The following PLD5 variants were observed in gnomAD, a reference collection of about 807,000 sequenced individuals.
PLD5 encodes phospholipase D family member 5, also known as inactive phospholipase D5.
A neutral mutation model predicts 61.1 loss-of-function variants in PLD5; 36 were observed. The ratio of observed to expected loss-of-function variants is 0.59; its 90% confidence interval spans 0.45 to 0.78. The LOEUF is 0.78. PLD5 is among the 30% of genes least tolerant of loss of function. The probability of loss-of-function intolerance (pLI) is 0.00; values close to 1 mark genes in which losing one functional copy is unlikely to be tolerated. For synonymous variants in PLD5, 243 were observed against 242.8 expected, an observed-to-expected ratio of 1.00 and a Z score of -0.01; for missense variants, 515 against 644.4, an observed-to-expected ratio of 0.80 and a Z score of 2.17.
chr1:242,242,599 T>C (rs428752), intron 4 of PLD5, among the ~76,000 whole-genome samples: 144,355 of 152,212 alleles, frequency 0.95, 68,927 homozygotes, highest in East Asian at 1. Context: ...CACCCATTAA[T>C]CACGGATCGT....
chr1:242,465,350 C>T (rs1033550340), intron 1 of PLD5, among the ~76,000 whole-genome samples: 3 of 152,198 alleles, frequency 2.0e-5, no homozygotes, highest in Non-Finnish European at 4.4e-5. Context: ...TACATGGACT[C>T]CTAATTGGTC....
intron 3 of PLD5, among the ~76,000 whole-genome samples, chr1:242,281,631 T>C (rs1169279126): frequency 1.3e-5 from 2 of 152,262 alleles, no homozygotes; most frequent in East Asian, 1.9e-4. Context: ...CTTTGCTAGA[T>C]AGTGTTTGGT....
intron 1 of PLD5, among the ~76,000 whole-genome samples, chr1:242,394,107 T>C (rs796810194): frequency 1.4e-5 from 2 of 141,890 alleles, no homozygotes; most frequent in African/African-American, 2.5e-5. Flanking sequence ...TATGTGTATA[T>C]ATATGAGTAT....
At chr1:242,258,266 C>A (rs1574624959) in intron 4 of PLD5, among the ~76,000 whole-genome samples, 1 of 152,308 alleles carries the variant, frequency 6.6e-6, no homozygotes, top group East Asian at 1.9e-4. Flanking sequence ...TTCTTAAAAA[C>A]CAGCACAGCC....
At chr1:242,402,502 G>T (rs1016629056) in intron 1 of PLD5, among the ~76,000 whole-genome samples, 3 of 152,100 alleles carry the variant, frequency 2.0e-5, no homozygotes, top group East Asian at 1.9e-4. Flanking sequence ...GAACTATATG[G>T]TTGCCTACCT....
In PLD5 at chr1:242,091,832, C is replaced by CTT. The variant is rs750237371; in HGVS notation, c.1355-1724_1355-1723dup. 7.5e-4 allele frequency among the ~76,000 whole-genome samples: 92 copies of CTT among 123,408 alleles called. 3 individuals carry two copies. The highest frequency in any genetic ancestry group is 2.1e-3 in the African/African-American group (70 of 32,802). The allele number at this position is 123,408 out of a possible 152,430, so 81.0% of individuals were successfully genotyped here. On this transcript the variant is annotated intron_variant, in intron 9 of 9. Coordinates refer to ENST00000536534, the MANE Select transcript of PLD5 (RefSeq NM_001372062.1). ...TCTTTTTCTTTTCTTTTCTTTTTTT[C>CTT]TTTTTTTTTTTTTTTGAGATAGTCT...
chr1:242,366,404 A>G (rs961823033), intron 1 of PLD5, among the ~76,000 whole-genome samples: 1 of 152,212 alleles, frequency 6.6e-6, no homozygotes, highest in African/African-American at 2.4e-5. Flanking sequence ...ATGCCTAACT[A>G]AAGTGATCTC....
chr1:242,377,107 C>T (rs1375766319), intron 1 of PLD5: 1 of 1,611,776 alleles, frequency 6.2e-7, no homozygotes, highest in African/African-American at 1.3e-5. Flanking sequence ...TTATCTTCCC[C>T]AGCCCCATTT....
At chr1:242,242,050 G>T (rs1330745689) in intron 4 of PLD5, among the ~76,000 whole-genome samples, 2 of 118,208 alleles carry the variant, frequency 1.7e-5, no homozygotes. Context: ...CACACATATG[G>T]TTGATGGAGA....
At chr1:242,483,394 G>T (rs936360794) in intron 1 of PLD5, among the ~76,000 whole-genome samples, 1 of 152,170 alleles carries the variant, frequency 6.6e-6, no homozygotes, top group Non-Finnish European at 1.5e-5. Flanking sequence ...ACAAAAAAAG[G>T]CAGGGGTTTC....
At position 242,302,594 on chromosome 1, in the gene PLD5, C is replaced by A. The variant is rs572007514; in HGVS notation, c.327-14064G>T. Among the ~76,000 whole-genome samples, 455 of 152,310 alleles carry A rather than the reference C, an allele frequency of 3.0e-3. 2 individuals carry two copies. The highest frequency in any genetic ancestry group is 0.027 in the Middle Eastern group (8 of 294). Reference sequence around the variant, plus strand: ...ATTAGCCAGGTATGGTAGCATGTGCCTGTAGTCCTAACTACTCAGGAGGCT... The same window carrying A: ...ATTAGCCAGGTATGGTAGCATGTGCATGTAGTCCTAACTACTCAGGAGGCT... On this transcript the variant is annotated intron_variant, in intron 2 of 9. Coordinates refer to ENST00000536534, the MANE Select transcript of PLD5 (RefSeq NM_001372062.1).
At chr1:242,130,684 C>T (rs1250987948) in intron 5 of PLD5, among the ~76,000 whole-genome samples, 3 of 152,110 alleles carry the variant, frequency 2.0e-5, no homozygotes, top group Non-Finnish European at 4.4e-5. Flanking sequence ...ATAGGTTGCT[C>T]AGCCCTGTCC....
chr1:242,449,495 T>G, intron 1 of PLD5: 2 of 1,520,072 alleles, frequency 1.3e-6, no homozygotes, highest in South Asian at 1.2e-5. Context: ...CGATTACATT[T>G]CAGTCCCTCA....
chr1:242,237,697 A>G (rs1297256495), intron 4 of PLD5, among the ~76,000 whole-genome samples: 1 of 152,176 alleles, frequency 6.6e-6, no homozygotes, highest in Non-Finnish European at 1.5e-5. Flanking sequence ...CATGGATGCC[A>G]TGTAGGCCAG....
chr1:242,375,569 T>A (rs1009583112), intron 1 of PLD5, among the ~76,000 whole-genome samples: 1 of 152,044 alleles, frequency 6.6e-6, no homozygotes, highest in African/African-American at 2.4e-5. Context: ...CTACAGTATA[T>A]CATGCAAGTA....
chr1:242,093,877 T>C (rs1004501327), intron 9 of PLD5, among the ~76,000 whole-genome samples: 1 of 152,130 alleles, frequency 6.6e-6, no homozygotes, highest in Admixed American at 6.5e-5. Flanking sequence ...CTATGAAATA[T>C]AGCTTTTTTT....
At chr1:242,242,012 GACACACACACAC>G (rs377737578) in intron 4 of PLD5, among the ~76,000 whole-genome samples, 4 of 106,058 alleles carry the variant, frequency 3.8e-5, no homozygotes, top group African/African-American at 1.1e-4. Flanking sequence ...TATATATATA[GACACACACACAC>G]ACACACACAC....
intron 5 of PLD5, among the ~76,000 whole-genome samples, chr1:242,160,998 A>ATGGGGACTTATATTATCTTT (rs1253545797): frequency 7.7e-6 from 1 of 129,686 alleles, no homozygotes; most frequent in Admixed American, 7.5e-5. Context: ...ATGGCAGCAT[A>ATGGGGACTTATATTATCTTT]TGGGGACTTA....
At chr1:242,108,366 C>T (rs144579898) in intron 7 of PLD5, among the ~76,000 whole-genome samples, 1 of 152,174 alleles carries the variant, frequency 6.6e-6, no homozygotes, top group African/African-American at 2.4e-5. Context: ...CTGCCTTCCA[C>T]GTTTTCTGCA....
Sources: allele counts gnomAD v4.1 joint callset (sites outside exome capture counted in the v4.1 genomes callset), GRCh38; gene constraint gnomAD v4.1.1; transcripts MANE v1.5; gene names NCBI Gene and HGNC (gene_info 2026-07-23, HGNC 2026-07-21).